The following STK33 variants were observed in gnomAD, a reference collection of about 807,000 sequenced individuals.
STK33 encodes the protein serine/threonine kinase 33, also known as serine/threonine-protein kinase 33.
A neutral mutation model predicts 58.0 loss-of-function variants in STK33; 52 were observed. That is an observed-to-expected ratio of 0.90 (90% CI 0.72 to 1.13). The LOEUF (loss-of-function observed/expected upper bound fraction) is 1.13, where lower values mean the gene tolerates loss of function less well. Ranked by LOEUF, STK33 falls within the 50% of genes most tolerant of loss-of-function variation. The pLI, the probability that STK33 is intolerant of heterozygous loss-of-function variation, is 0.00. For synonymous variants in STK33, 215 were observed against 200.1 expected, an observed-to-expected ratio of 1.07 and a Z score of -0.63; for missense variants, 630 against 604.2, an observed-to-expected ratio of 1.04 and a Z score of -0.45.
At chr11:8,405,620 A>C (rs1938995842) in intron 15 of STK33, among the ~76,000 whole-genome samples, 1 of 152,142 alleles carries the variant, frequency 6.6e-6, no homozygotes, top group Non-Finnish European at 1.5e-5. Flanking sequence ...TGTTCTAAGA[A>C]TCTTTGACTA....
chr11:8,343,559 A>T, the STK33 span, among the ~76,000 whole-genome samples: 20 of 152,290 alleles, frequency 1.3e-4, no homozygotes, highest in African/African-American at 4.8e-4. Context: ...CAGAAAGAAC[A>T]GGGAAAGGGT....
chr11:8,453,221 TA>T (rs1375095743), intron 10 of STK33, among the ~76,000 whole-genome samples: 2 of 152,176 alleles, frequency 1.3e-5, no homozygotes, highest in Non-Finnish European at 2.9e-5. Context: ...CTTTTTCATA[TA>T]AAAAAGGTAT....
At chr11:8,420,749 C>T (rs972289630) in intron 14 of STK33, among the ~76,000 whole-genome samples, 1 of 152,136 alleles carries the variant, frequency 6.6e-6, no homozygotes, top group African/African-American at 2.4e-5. Context: ...GTAATCCCAG[C>T]ACTTTGGGAG....
chr11:8,370,609 C>T, the STK33 span, among the ~76,000 whole-genome samples: 49 of 152,290 alleles, frequency 3.2e-4, no homozygotes, highest in Admixed American at 8.5e-4. Flanking sequence ...GCTACAGATA[C>T]GGGGCCCAGA....
chr11:8,511,045 C>G (rs1039034221), intron 1 of STK33, among the ~76,000 whole-genome samples: 1 of 151,970 alleles, frequency 6.6e-6, no homozygotes, highest in Non-Finnish European at 1.5e-5. Flanking sequence ...AGTATTTTAA[C>G]GGGAATTGCA....
At chr11:8,362,897 T>C in the STK33 span, among the ~76,000 whole-genome samples, 2 of 71,920 alleles carry the variant, frequency 2.8e-5, no homozygotes, top group African/African-American at 4.1e-5. Flanking sequence ...TTCCTTCCTC[T>C]CTCTCTCCCT....
chr11:8,568,991 A>G (rs779646036), intron 1 of STK33, among the ~76,000 whole-genome samples: 2 of 152,232 alleles, frequency 1.3e-5, no homozygotes, highest in Non-Finnish European at 2.9e-5. Context: ...GTTATAAGAC[A>G]TAGACATTCA....
At chr11:8,522,994 G>A (rs770215052) in intron 1 of STK33, among the ~76,000 whole-genome samples, 8 of 152,314 alleles carry the variant, frequency 5.3e-5, no homozygotes, top group African/African-American at 1.4e-4. Context: ...GGGTTTCGCC[G>A]TGTTGGCCGG....
chr11:8,539,966 T>C (rs1441518736), intron 1 of STK33, among the ~76,000 whole-genome samples: 2 of 152,124 alleles, frequency 1.3e-5, no homozygotes, highest in Non-Finnish European at 2.9e-5. Flanking sequence ...GGTGGGAATA[T>C]AGACTGGTAC....
At chr11:8,407,585 T>C (rs1360324453) in intron 15 of STK33, among the ~76,000 whole-genome samples, 2 of 152,228 alleles carry the variant, frequency 1.3e-5, no homozygotes, top group East Asian at 1.9e-4. Context: ...AATTTGACCA[T>C]TTCATATAAA....
At chr11:8,575,407 G>A (rs1414846015) in intron 1 of STK33, among the ~76,000 whole-genome samples, 1 of 152,076 alleles carries the variant, frequency 6.6e-6, no homozygotes, top group East Asian at 1.9e-4. Context: ...GGACACAAGG[G>A]ACTATTATCC....
chr11:8,342,317 A>G, the STK33 span, among the ~76,000 whole-genome samples: 1 of 152,242 alleles, frequency 6.6e-6, no homozygotes, highest in South Asian at 2.1e-4. Flanking sequence ...TCAGCCCTCA[A>G]TTCCTCCTTA....
intron 1 of STK33, among the ~76,000 whole-genome samples, chr11:8,527,368 CTGAGTGATGGGTTACA>C (rs1954136650): frequency 6.6e-6 from 1 of 152,188 alleles, no homozygotes; most frequent in African/African-American, 2.4e-5. Context: ...TATTATTGAT[CTGAGTGATGGGTTACA>C]TGAGTGTTCG....
intron 14 of STK33, among the ~76,000 whole-genome samples, chr11:8,428,004 G>A (rs193272051): frequency 9.5e-4 from 145 of 152,300 alleles, no homozygotes; most frequent in Admixed American, 1.6e-3. Flanking sequence ...TTGGCCTTGG[G>A]AGATCAAGGA....
At chr11:8,577,538 G>A (rs1958275147) in intron 1 of STK33, among the ~76,000 whole-genome samples, 1 of 151,848 alleles carries the variant, frequency 6.6e-6, no homozygotes, top group Admixed American at 6.6e-5. Flanking sequence ...TTGTTTATCT[G>A]GGTATATAAA....
intron 15 of STK33, among the ~76,000 whole-genome samples, chr11:8,401,316 A>G (rs964796712): frequency 4.6e-5 from 7 of 152,220 alleles, no homozygotes; most frequent in African/African-American, 9.7e-5. Flanking sequence ...ATAATGCTGC[A>G]TATCTACAAC....
At chr11:8,520,177 G>C (rs1418739680) in intron 1 of STK33, among the ~76,000 whole-genome samples, 3 of 152,166 alleles carry the variant, frequency 2.0e-5, no homozygotes, top group Non-Finnish European at 4.4e-5. Flanking sequence ...TGGGATGCAA[G>C]GCTGGTTCAA....
intron 1 of STK33, among the ~76,000 whole-genome samples, chr11:8,559,078 A>G (rs768965331): frequency 3.3e-5 from 5 of 152,208 alleles, no homozygotes; most frequent in African/African-American, 4.8e-5. Context: ...GTAGAGGTCC[A>G]CTTGCCTCCA....
chr11:8,473,700 C>T (rs1949000086), intron 5 of STK33, among the ~76,000 whole-genome samples: 1 of 152,174 alleles, frequency 6.6e-6, no homozygotes, highest in Non-Finnish European at 1.5e-5. Context: ...ACAACTCACT[C>T]AGATACATCC....
Sources: gnomAD v4.1 joint callset for allele counts (sites outside exome capture counted in the v4.1 genomes callset) on GRCh38, gnomAD v4.1.1 for gene constraint, MANE v1.5 for transcripts, NCBI Gene and HGNC (gene_info 2026-07-23, HGNC 2026-07-21) for gene names.